Variants in ATRNL1 observed in about 807,000 individuals in gnomAD.
ATRNL1 encodes the protein attractin like 1, also known as attractin-like protein 1.
ATRNL1 carries 95 observed loss-of-function variants against 182.7 expected under a neutral mutation model. The ratio of observed to expected loss-of-function variants is 0.52; its 90% CI spans 0.44 to 0.62. The LOEUF is 0.62. ATRNL1 is among the 20% of genes least tolerant of loss of function. The probability of loss-of-function intolerance (pLI) is 0.00; values close to 1 mark genes in which losing one functional copy is unlikely to be tolerated. For synonymous variants in ATRNL1, 576 were observed against 568.3 expected (o/e 1.01, Z -0.19); for missense variants, 1,471 against 1,679.5 (o/e 0.88, Z 2.17).
At chr10:115,538,735 G>T (rs952568751) in intron 25 of ATRNL1, among the ~76,000 whole-genome samples, 1 of 151,978 alleles carries the variant, frequency 6.6e-6, no homozygotes, top group East Asian at 1.9e-4. Flanking sequence ...TTAAAAACTT[G>T]ATTATGCTTT....
intron 25 of ATRNL1, among the ~76,000 whole-genome samples, chr10:115,523,664 G>A (rs1554985827): frequency 1.3e-5 from 2 of 152,168 alleles, no homozygotes; most frequent in African/African-American, 4.8e-5. Flanking sequence ...CTTTGCTTCA[G>A]TTCCAGTGAT....
At chr10:115,707,699 G>T (rs1176775059) in intron 26 of ATRNL1, among the ~76,000 whole-genome samples, 1 of 151,284 alleles carries the variant, frequency 6.6e-6, no homozygotes, top group African/African-American at 2.4e-5. Context: ...AATTTTTAAT[G>T]GTCATATGAT....
chr10:115,746,134 T>A, intron 27 of ATRNL1, among the ~76,000 whole-genome samples: 1 of 152,126 alleles, frequency 6.6e-6, no homozygotes, highest in East Asian at 1.9e-4. Flanking sequence ...CGAGAACTGC[T>A]GACTCATGGC....
intron 1 of ATRNL1, among the ~76,000 whole-genome samples, chr10:115,111,810 A>G (rs1295277449): frequency 6.6e-6 from 1 of 152,224 alleles, no homozygotes; most frequent in Non-Finnish European, 1.5e-5. Context: ...AACTATATCA[A>G]TACTGAATTG....
chr10:115,810,170 A>G (rs1180097418), intron 27 of ATRNL1, among the ~76,000 whole-genome samples: 2 of 151,902 alleles, frequency 1.3e-5, no homozygotes, highest in African/African-American at 4.8e-5. Flanking sequence ...TTTTTTGTGC[A>G]TGGCTAGATT....
intron 21 of ATRNL1, among the ~76,000 whole-genome samples, chr10:115,447,390 GTTAT>G (rs1847054571): frequency 6.6e-6 from 1 of 151,348 alleles, no homozygotes; most frequent in South Asian, 2.1e-4. Context: ...TTATGCTAAT[GTTAT>G]TTGTTTGCAA....
At chr10:115,735,466 GA>G (rs1555065182) in intron 27 of ATRNL1, among the ~76,000 whole-genome samples, 2 of 151,924 alleles carry the variant, frequency 1.3e-5, no homozygotes, top group African/African-American at 4.8e-5. Context: ...GTGGATGCCT[GA>G]AATATGGGAT....
At chr10:115,856,428 CA>C (rs572743389) in intron 28 of ATRNL1, among the ~76,000 whole-genome samples, 543 of 22,496 alleles carry the variant, frequency 0.024, 19 homozygotes, top group Non-Finnish European at 0.034. Context: ...AGCTCCATCT[CA>C]AAAAAAAAAA....
chr10:115,554,315 G>A (rs1242880110), intron 26 of ATRNL1, among the ~76,000 whole-genome samples: 2 of 151,424 alleles, frequency 1.3e-5, no homozygotes, highest in Non-Finnish European at 3.0e-5. Context: ...GAAATTACAG[G>A]TCTTCCGCAT....
At chr10:115,744,865 C>T (rs1225362459) in intron 27 of ATRNL1, among the ~76,000 whole-genome samples, 1 of 152,052 alleles carries the variant, frequency 6.6e-6, no homozygotes, top group Non-Finnish European at 1.5e-5. Flanking sequence ...ATAATGTTAG[C>T]TATTTCTCTA....
At chr10:115,271,775 C>T (rs150343619) in intron 13 of ATRNL1, among the ~76,000 whole-genome samples, 2 of 152,192 alleles carry the variant, frequency 1.3e-5, no homozygotes, top group Non-Finnish European at 2.9e-5. Flanking sequence ...CATTAGTAGT[C>T]CTGCTTGAAT....
intron 26 of ATRNL1, among the ~76,000 whole-genome samples, chr10:115,630,630 G>T (rs1858423445): frequency 6.7e-6 from 1 of 149,782 alleles, no homozygotes; most frequent in Non-Finnish European, 1.5e-5. Flanking sequence ...GATGGATAAA[G>T]AAATAAGATT....
At chr10:115,389,554 A>ACG (rs1564989900) in intron 19 of ATRNL1, among the ~76,000 whole-genome samples, 1 of 72,554 alleles carries the variant, frequency 1.4e-5, no homozygotes, top group African/African-American at 4.9e-5. Context: ...ATATATATAT[A>ACG]TATATATATA....
chr10:115,664,301 G>A (rs1860875215), intron 26 of ATRNL1, among the ~76,000 whole-genome samples: 1 of 152,218 alleles, frequency 6.6e-6, no homozygotes, highest in East Asian at 1.9e-4. Context: ...CTTCACCATA[G>A]CAAAAGCATA....
rs182635844 is a variant in ATRNL1, at chr10:115,186,213, C to T, written c.1348+14921C>T. On this transcript the variant is annotated intron_variant, in intron 8 of 28. Coordinates refer to ENST00000355044, the MANE Select transcript of ATRNL1 (RefSeq NM_207303.4). ...AAGAAGACATACAAATGATGAGAAA[C>T]ACTGGCGAGGATGTGGAGAAAAGGG... 1.5e-3 allele frequency among the ~76,000 whole-genome samples: 223 copies of T among 151,164 alleles called. 1 individual carries two copies. Among genetic ancestry groups the T allele is most frequent in the African/African-American group, 5.1e-3 (212 of 41,262 alleles).
chr10:115,732,617 A>G (rs1258815745), intron 27 of ATRNL1, among the ~76,000 whole-genome samples: 3 of 152,098 alleles, frequency 2.0e-5, no homozygotes, highest in East Asian at 1.9e-4. Flanking sequence ...TCTATTTACT[A>G]TTGAGGAAAC....
At chr10:115,592,423 A>G (rs1194611470) in intron 26 of ATRNL1, among the ~76,000 whole-genome samples, 2 of 152,176 alleles carry the variant, frequency 1.3e-5, no homozygotes, top group Admixed American at 6.5e-5. Context: ...AGCTTTTACT[A>G]TAGTCACAAA....
At chr10:115,233,787 A>G (rs1850060476) in intron 9 of ATRNL1, among the ~76,000 whole-genome samples, 1 of 152,078 alleles carries the variant, frequency 6.6e-6, no homozygotes, top group African/African-American at 2.4e-5. Context: ...TAAATAATTT[A>G]ATGTGGAATA....
chr10:115,494,222 A>G (rs1314323926), intron 24 of ATRNL1, among the ~76,000 whole-genome samples: 1 of 152,160 alleles, frequency 6.6e-6, no homozygotes, highest in Admixed American at 6.6e-5. Context: ...TATCAGATCT[A>G]GGAGCTTTTG....
Sources: gnomAD v4.1 joint callset for allele counts (sites outside exome capture counted in the v4.1 genomes callset) on GRCh38, gnomAD v4.1.1 for gene constraint, MANE v1.5 for transcripts, NCBI Gene and HGNC (gene_info 2026-07-23, HGNC 2026-07-21) for gene names.